PDE1A: variants seen among roughly 807,000 people sequenced by gnomAD.
PDE1A encodes phosphodiesterase 1A, also known as dual specificity calcium/calmodulin-dependent 3',5'-cyclic nucleotide phosphodiesterase 1A.
PDE1A carries 35 observed loss-of-function variants against 61.7 expected under a neutral mutation model. The ratio of observed to expected loss-of-function variants is 0.57; its 90% CI spans 0.43 to 0.75. The LOEUF (loss-of-function observed/expected upper bound fraction) is 0.75, where lower values mean the gene tolerates loss of function less well. Ranked by LOEUF, PDE1A falls within the 30% of genes least tolerant of loss-of-function variation. The pLI, the probability that PDE1A is intolerant of heterozygous loss-of-function variation, is 0.00. For missense variants in PDE1A, 597 were observed against 630.6 expected (o/e 0.95, Z 0.57); for synonymous variants, 232 against 213.2 (o/e 1.09, Z -0.77).
chr2:182,218,240 A>C (rs899303918), intron 7 of PDE1A, among the ~76,000 whole-genome samples: 1 of 136,684 alleles, frequency 7.3e-6, no homozygotes, highest in Non-Finnish European at 1.5e-5. Context: ...GGACACAGGA[A>C]GGGGAACATC....
chr2:182,534,682 T>A, the PDE1A span, among the ~76,000 whole-genome samples: 1 of 151,702 alleles, frequency 6.6e-6, no homozygotes, highest in Non-Finnish European at 1.5e-5. Context: ...TTATATTAAT[T>A]ACTTATATTA....
At chr2:182,373,500 T>C (rs978384846) in intron 1 of PDE1A, among the ~76,000 whole-genome samples, 8 of 152,096 alleles carry the variant, frequency 5.3e-5, no homozygotes, top group Non-Finnish European at 1.2e-4. Flanking sequence ...AAAACAGAAA[T>C]TTAAAGGCAG....
the PDE1A span, among the ~76,000 whole-genome samples, chr2:182,535,566 A>C: frequency 6.6e-6 from 1 of 152,162 alleles, no homozygotes; most frequent in African/African-American, 2.4e-5. Context: ...TTAGTTAACT[A>C]TCTTGGAGTT....
At chr2:182,291,181 G>A (rs539861423) in intron 1 of PDE1A, among the ~76,000 whole-genome samples, 44 of 152,048 alleles carry the variant, frequency 2.9e-4, no homozygotes, top group African/African-American at 9.4e-4. Context: ...CAAACCTCTC[G>A]TCCTGCCTAG....
chr2:182,549,511 T>C, the PDE1A span, among the ~76,000 whole-genome samples: 3 of 152,134 alleles, frequency 2.0e-5, no homozygotes, highest in Non-Finnish European at 4.4e-5. Flanking sequence ...TTAGGAAATA[T>C]GACTTGCAGA....
At chr2:182,715,188 T>C in the PDE1A span, among the ~76,000 whole-genome samples, 2 of 152,192 alleles carry the variant, frequency 1.3e-5, no homozygotes, top group Non-Finnish European at 2.9e-5. Context: ...CCAGGTTGCT[T>C]AGATGTGAAT....
chr2:182,631,166 G>A, the PDE1A span, among the ~76,000 whole-genome samples: 2 of 152,080 alleles, frequency 1.3e-5, no homozygotes, highest in African/African-American at 4.8e-5. Flanking sequence ...AAAGTCAATG[G>A]TGTACATTCT....
intron 2 of PDE1A, among the ~76,000 whole-genome samples, chr2:182,470,699 G>A (rs1686971793): frequency 6.6e-6 from 1 of 151,800 alleles, no homozygotes; most frequent in Admixed American, 6.6e-5. Context: ...AAGTCATCCT[G>A]TGAAATGAGG....
At chr2:182,702,397 C>T in the PDE1A span, among the ~76,000 whole-genome samples, 1 of 152,182 alleles carries the variant, frequency 6.6e-6, no homozygotes, top group Non-Finnish European at 1.5e-5. Context: ...GCCACCTCAC[C>T]TGGCCTATTC....
At chr2:182,181,637 G>C (rs553208253) in intron 13 of PDE1A, among the ~76,000 whole-genome samples, 1 of 152,316 alleles carries the variant, frequency 6.6e-6, no homozygotes, top group African/African-American at 2.4e-5. Flanking sequence ...AGAGCCAGCA[G>C]ACAGGAAAGA....
the PDE1A span, among the ~76,000 whole-genome samples, chr2:182,561,133 A>C: frequency 6.8e-6 from 1 of 147,312 alleles, no homozygotes; most frequent in African/African-American, 2.5e-5. Context: ...TCCTTGCCCA[A>C]GCCTATGTCC....
chr2:182,483,276 A>T (rs993201152), intron 2 of PDE1A, among the ~76,000 whole-genome samples: 4 of 151,936 alleles, frequency 2.6e-5, no homozygotes, highest in African/African-American at 7.2e-5. Flanking sequence ...TAGAAAAACT[A>T]GACAGAAAAA....
At chr2:182,529,828 T>C in the PDE1A span, among the ~76,000 whole-genome samples, 4 of 152,220 alleles carry the variant, frequency 2.6e-5, no homozygotes, top group African/African-American at 9.6e-5. Context: ...ATATAAGATG[T>C]GACTTGATTT....
At chr2:182,586,233 A>G in the PDE1A span, among the ~76,000 whole-genome samples, 1 of 152,300 alleles carries the variant, frequency 6.6e-6, no homozygotes, top group African/African-American at 2.4e-5. Flanking sequence ...TATGGACATT[A>G]AGGAGAAGTC....
chr2:182,471,366 AC>A (rs1053400351), intron 2 of PDE1A, among the ~76,000 whole-genome samples: 1 of 151,750 alleles, frequency 6.6e-6, no homozygotes, highest in African/African-American at 2.4e-5. Flanking sequence ...GTTCTGAAGA[AC>A]CTTTTATACA....
At chr2:182,412,060 A>G (rs1008183710) in intron 1 of PDE1A, among the ~76,000 whole-genome samples, 2 of 12,440 alleles carry the variant, frequency 1.6e-4, no homozygotes, top group Admixed American at 7.8e-4. Flanking sequence ...TCCATCTCGA[A>G]AAAAAAAAAA....
chr2:182,257,040 C>T (rs1691871261), intron 2 of PDE1A, among the ~76,000 whole-genome samples: 1 of 152,206 alleles, frequency 6.6e-6, no homozygotes, highest in Non-Finnish European at 1.5e-5. Context: ...GTGGTTCACC[C>T]TGTGGCATTT....
chr2:182,489,585 G>T (rs1195485615), intron 2 of PDE1A, among the ~76,000 whole-genome samples: 1 of 152,152 alleles, frequency 6.6e-6, no homozygotes, highest in Admixed American at 6.5e-5. Flanking sequence ...GATATATTTT[G>T]AAGGTAGATT....
chr2:182,318,890 A>G (rs1696524148), intron 1 of PDE1A, among the ~76,000 whole-genome samples: 1 of 152,052 alleles, frequency 6.6e-6, no homozygotes, highest in South Asian at 2.1e-4. Context: ...ATTGATTTCA[A>G]TATGTCTTAG....
Sources: allele counts gnomAD v4.1 joint callset (sites outside exome capture counted in the v4.1 genomes callset), GRCh38; gene constraint gnomAD v4.1.1; transcripts MANE v1.5; gene names NCBI Gene and HGNC (gene_info 2026-07-23, HGNC 2026-07-21).